PRKCB: variants seen among roughly 807,000 people sequenced by gnomAD.
PRKCB encodes protein kinase C beta type.
Under a neutral mutation model 81.5 loss-of-function variants are expected in PRKCB, and 13 were observed. The ratio of observed to expected loss-of-function variants is 0.16; its 90% CI spans 0.10 to 0.25. The LOEUF (loss-of-function observed/expected upper bound fraction) is 0.25, where lower values mean the gene tolerates loss of function less well. PRKCB is among the 10% of genes least tolerant of loss of function. The pLI is 1.00. For missense variants in PRKCB, 509 were observed against 875.7 expected, an observed-to-expected ratio of 0.58 and a Z score of 5.29; for synonymous variants, 335 against 321.4, an observed-to-expected ratio of 1.04 and a Z score of -0.45.
chr16:24,110,040 G>A (rs1300895273), intron 7 of PRKCB, among the ~76,000 whole-genome samples: 2 of 138,088 alleles, frequency 1.4e-5, no homozygotes, highest in South Asian at 2.3e-4. Context: ...AGCCGAGATG[G>A]CAGCAGTACA....
intron 3 of PRKCB, among the ~76,000 whole-genome samples, chr16:24,031,420 G>GGA (rs1567350810): frequency 6.6e-6 from 1 of 152,138 alleles, no homozygotes; most frequent in Non-Finnish European, 1.5e-5. Context: ...AAAGGCTCAA[G>GGA]GAAGTATGCA....
intron 3 of PRKCB, among the ~76,000 whole-genome samples, chr16:23,989,839 C>G (rs377025292): frequency 2.6e-5 from 4 of 152,122 alleles, no homozygotes; most frequent in African/African-American, 7.2e-5. Context: ...CTTGCTTTTC[C>G]CGGCTCTCTT....
At chr16:23,855,566 A>C (rs930124528) in intron 2 of PRKCB, among the ~76,000 whole-genome samples, 3 of 152,204 alleles carry the variant, frequency 2.0e-5, no homozygotes, top group African/African-American at 7.2e-5. Flanking sequence ...CCTCATCTTT[A>C]TTTAGTTCTT....
intron 2 of PRKCB, among the ~76,000 whole-genome samples, chr16:23,857,191 T>C (rs760877176): frequency 2.0e-5 from 3 of 152,130 alleles, no homozygotes; most frequent in Non-Finnish European, 4.4e-5. Flanking sequence ...AATGGAATGA[T>C]TGGTTTTGGC....
rs71959489 is a variant in PRKCB, at chr16:23,858,096, GGATGAT to G, written c.205+20705_205+20710del. ...ATGGTGACAATGACGTTGATGATGA[GGATGAT>G]GATGATGATGATGAAGGCAGCTAAT... On this transcript the variant is annotated intron_variant, in intron 2 of 16. Coordinates refer to ENST00000643927, the MANE Select transcript of PRKCB (RefSeq NM_002738.7). Among the ~76,000 whole-genome samples, 377 of 151,938 alleles carry G rather than the reference GGATGAT, an allele frequency of 2.5e-3. 1 individual carries two copies. The highest frequency in any genetic ancestry group is 8.9e-3 in the African/African-American group (366 of 41,302).
intron 2 of PRKCB, among the ~76,000 whole-genome samples, chr16:23,981,443 T>C (rs919385253): frequency 6.6e-6 from 1 of 152,026 alleles, no homozygotes; most frequent in Non-Finnish European, 1.5e-5. Flanking sequence ...AATTTTGTCA[T>C]GTAAGTAATA....
chr16:24,008,025 G>C (rs372499063), intron 3 of PRKCB, among the ~76,000 whole-genome samples: 1 of 147,826 alleles, frequency 6.8e-6, no homozygotes. Flanking sequence ...AAAACTAAGA[G>C]CCAGCATTTA....
intron 3 of PRKCB, among the ~76,000 whole-genome samples, chr16:24,016,816 A>T (rs2141841425): frequency 6.6e-6 from 1 of 152,320 alleles, no homozygotes; most frequent in East Asian, 1.9e-4. Context: ...GCTCAGCCAC[A>T]GCACCCAGCT....
intron 5 of PRKCB, among the ~76,000 whole-genome samples, chr16:24,052,214 C>T (rs1965851887): frequency 6.6e-6 from 1 of 152,174 alleles, no homozygotes; most frequent in Non-Finnish European, 1.5e-5. Flanking sequence ...TGTACTTGAG[C>T]TTGCATCAGA....
chr16:24,166,930 G>A (rs746696222), intron 10 of PRKCB, among the ~76,000 whole-genome samples: 43 of 152,156 alleles, frequency 2.8e-4, no homozygotes, highest in Middle Eastern at 3.4e-3. Flanking sequence ...ACAGTGGAGC[G>A]ATCCCCTGAT....
rs575365891 is a variant in PRKCB at position 23,982,847 on chromosome 16, T to C, written c.206-5661T>C. On this transcript the variant is annotated intron_variant, in intron 2 of 16. Coordinates refer to ENST00000643927, the MANE Select transcript of PRKCB (RefSeq NM_002738.7). ...GCAATTTCCCCTTTTAAACAGGCCATGTGTGCAGTCCCCTACCTGGCCGTC... is the reference window on the plus strand; with the variant it reads ...GCAATTTCCCCTTTTAAACAGGCCACGTGTGCAGTCCCCTACCTGGCCGTC... Among the ~76,000 whole-genome samples the C allele has an allele frequency of 8.3e-4, 126 of 152,288 alleles. 1 individual carries two copies. Among genetic ancestry groups the C allele is most frequent in the Non-Finnish European group, 1.3e-3 (91 of 68,028 alleles).
intron 2 of PRKCB, among the ~76,000 whole-genome samples, chr16:23,846,944 G>A (rs1349394769): frequency 1.3e-5 from 2 of 151,900 alleles, no homozygotes; most frequent in African/African-American, 4.8e-5. Flanking sequence ...CTGCTTGTTT[G>A]TGGTCTCCTG....
At chr16:23,997,605 G>A (rs7189180) in intron 3 of PRKCB, among the ~76,000 whole-genome samples, 103,436 of 152,076 alleles carry the variant, frequency 0.68, 36,243 homozygotes, top group African/African-American at 0.85. Flanking sequence ...TACATATGGT[G>A]AGCAAATATC....
intron 2 of PRKCB, among the ~76,000 whole-genome samples, chr16:23,960,057 C>CTG (rs1964404328): frequency 6.6e-6 from 1 of 152,050 alleles, no homozygotes; most frequent in Non-Finnish European, 1.5e-5. Context: ...GCATGTCAGG[C>CTG]TGTGGAAGCA....
intron 12 of PRKCB, 119 bp from the exon 13 acceptor site, chr16:24,180,671 T>C (rs773563848): frequency 8.2e-5 from 102 of 1,243,014 alleles, no homozygotes; most frequent in Non-Finnish European, 1.1e-4. Context: ...GGCTGGTTTC[T>C]ACTGACCTTT....
At chr16:24,168,358 A>G (rs1418556342) in intron 10 of PRKCB, among the ~76,000 whole-genome samples, 1 of 152,160 alleles carries the variant, frequency 6.6e-6, no homozygotes, top group Non-Finnish European at 1.5e-5. Flanking sequence ...TCCCGGTTTT[A>G]TAGCCCCTCA....
chr16:23,850,656 T>TGTCA (rs1962457794), intron 2 of PRKCB, among the ~76,000 whole-genome samples: 4 of 152,226 alleles, frequency 2.6e-5, no homozygotes, highest in African/African-American at 9.6e-5. Flanking sequence ...TCAGCCACCA[T>TGTCA]GCTCGGTGGT....
intron 7 of PRKCB, among the ~76,000 whole-genome samples, chr16:24,106,251 T>C (rs780550787): frequency 2.0e-5 from 3 of 152,224 alleles, no homozygotes; most frequent in Non-Finnish European, 2.9e-5. Context: ...GAGATAATAG[T>C]CGTAATTATG....
intron 2 of PRKCB, among the ~76,000 whole-genome samples, chr16:23,876,715 C>T (rs903047595): frequency 4.4e-5 from 4 of 90,172 alleles, no homozygotes; most frequent in African/African-American, 1.6e-4. Context: ...TTCATCTGGG[C>T]CAGAAGAGTT....
Sources: allele counts gnomAD v4.1 joint callset (sites outside exome capture counted in the v4.1 genomes callset), GRCh38; gene constraint gnomAD v4.1.1; transcripts MANE v1.5; gene names NCBI Gene and HGNC (gene_info 2026-07-23, HGNC 2026-07-21).